Variants in OLFML2A observed in about 807,000 individuals in gnomAD.
The protein encoded by OLFML2A is olfactomedin-like protein 2A.
A neutral mutation model predicts 60.9 loss-of-function variants in OLFML2A; 47 were observed. That is an observed-to-expected ratio of 0.77 (90% CI 0.61 to 0.98). The LOEUF (loss-of-function observed/expected upper bound fraction) is 0.98. Among genes scored for constraint, OLFML2A ranks in the 50% least tolerant of loss-of-function variants. The pLI is 0.00. For synonymous variants in OLFML2A, 372 were observed against 375.0 expected, an observed-to-expected ratio of 0.99 and a Z score of 0.09; for missense variants, 922 against 879.8, an observed-to-expected ratio of 1.05 and a Z score of -0.61.
At chr9:124,784,665 A>ATAT (rs1841424540) in intron 1 of OLFML2A, among the ~76,000 whole-genome samples, 1 of 152,200 alleles carries the variant, frequency 6.6e-6, no homozygotes, top group African/African-American at 2.4e-5. Flanking sequence ...TTGTGCAAGC[A>ATAT]TCACCACTAT....
intron 6 of OLFML2A, among the ~76,000 whole-genome samples, chr9:124,805,631 G>A (rs1414331298): frequency 4.6e-5 from 7 of 151,844 alleles, no homozygotes; most frequent in Non-Finnish European, 1.0e-4. Context: ...GGTGGGAGGG[G>A]GTAAAGGATA....
intron 1 of OLFML2A, among the ~76,000 whole-genome samples, chr9:124,780,173 C>T (rs1841335262): frequency 6.6e-6 from 1 of 152,236 alleles, no homozygotes; most frequent in Non-Finnish European, 1.5e-5. Context: ...TTCTGAAGGG[C>T]TGCCCAGCAC....
rs908913506 is a variant in OLFML2A, at chr9:124,777,368, C to A, written c.90+8C>A. 33 of 1,269,602 alleles carry A rather than the reference C, an allele frequency of 2.6e-5. No homozygotes were observed. In the African/African-American group the frequency reaches 4.6e-4, roughly 18 times the overall value. The allele number at this position is 1,269,602 out of a possible 1,614,324, so 78.6% of individuals were successfully genotyped here. ...ACGCGCGCCGACAGTAAGGTACGCA[C>A]GCCCCTCGGACCCGCGCGGCTCGGC... On this transcript the variant is annotated splice_region_variant and intron_variant, in intron 1 of 7. Coordinates refer to ENST00000373580, the MANE Select transcript of OLFML2A (RefSeq NM_182487.4). The surrounding 1 kb of genome is among the most constrained non-coding windows in gnomAD (Gnocchi z 6.2).
chr9:124,801,454 G>A lies in OLFML2A; in HGVS notation c.710G>A (p.Gly237Asp). Reference protein sequence around the residue: ...RGKGKDISKYGSVQKSFADRG... With the variant: ...RGKGKDISKYDSVQKSFADRG... The stretch of plus-strand genomic sequence containing the variant: ...AAAGGCAAGGACATCAGCAAGTATG[G>A]CAGTGTGCAGAAAAGCTTTGCAGAC... The change falls in exon 5 of 8, where the codon GGC (glycine) becomes GAC (aspartate). Residue 237 changes from glycine (G) to aspartate (D), a missense_variant. Coordinates refer to ENST00000373580, the MANE Select transcript of OLFML2A (RefSeq NM_182487.4). 1.9e-6 allele frequency: 3 copies of A among 1,614,080 alleles called. No individual in the cohort carries two copies. In the South Asian group the frequency reaches 3.3e-5, roughly 18 times the overall value.
chr9:124,800,938 G>T, intron 4 of OLFML2A: 2 of 1,543,774 alleles, frequency 1.3e-6, no homozygotes, highest in Non-Finnish European at 1.8e-6. Flanking sequence ...GTTTTTCCAG[G>T]ATGCAGCACT....
In OLFML2A at chr9:124,777,882, C is replaced by G. The variant is rs1841286342; in HGVS notation, c.90+522C>G. Among the ~76,000 whole-genome samples, 1 of 152,204 alleles carries G rather than the reference C, an allele frequency of 6.6e-6. No individual in the cohort carries two copies. Among genetic ancestry groups the G allele is most frequent in the Non-Finnish European group, 1.5e-5 (1 of 68,036 alleles). On this transcript the variant is annotated intron_variant, in intron 1 of 7. Coordinates refer to ENST00000373580, the MANE Select transcript of OLFML2A (RefSeq NM_182487.4). This position sits in a 1 kb window ranked among gnomAD's most constrained non-coding sequence, Gnocchi z 6.2. ...AGCTCCAGAAGTGGTCTGAGCTGTT[C>G]TCTGCTGTGGCTAAGAGGATCTGCT...
chr9:124,799,187 G>A (rs1049749701), intron 3 of OLFML2A, 98 bp from the exon 4 acceptor site: 14 of 853,022 alleles, frequency 1.6e-5, no homozygotes, highest in Non-Finnish European at 2.1e-5. Context: ...GGGGGACTGG[G>A]CAGCAAAGCC....
At position 124,799,307 on chromosome 9, in the gene OLFML2A, G is replaced by A. The variant is rs780409580; in HGVS notation, c.485G>A (p.Arg162Gln). 2.5e-5 allele frequency: 41 copies of A among 1,611,524 alleles called. No homozygotes were observed. The highest frequency in any genetic ancestry group is 1.6e-4 in the Middle Eastern group (1 of 6,076). ...CAGAGCATCAAGGCCAACCTGAGCC[G>A]GGAGAATGAGGTGGTGAAGGACAGC... ...LEESIKANLS[R>Q]ENEVVKDSVR... Residue 162 changes from arginine to glutamine, a missense_variant, in exon 4 of 8, where the codon CGG (arginine) becomes CAG (glutamine). Physicochemically the swap from Arg to Gln is conservative, Grantham distance 43. Transcript: ENST00000373580.
chr9:124,805,544 T>C (rs1189860805), intron 6 of OLFML2A, among the ~76,000 whole-genome samples: 1 of 152,152 alleles, frequency 6.6e-6, no homozygotes, highest in Non-Finnish European at 1.5e-5. Flanking sequence ...AAAGTATGTC[T>C]GCATGACTGT....
chr9:124,789,836 A>G (rs1333921576), intron 2 of OLFML2A, among the ~76,000 whole-genome samples: 1 of 152,260 alleles, frequency 6.6e-6, no homozygotes, highest in African/African-American at 2.4e-5. Context: ...TGGCATCTTG[A>G]CAGCTTGGCA....
intron 3 of OLFML2A, among the ~76,000 whole-genome samples, chr9:124,798,057 C>G (rs776316529): frequency 6.6e-6 from 1 of 152,290 alleles, no homozygotes; most frequent in Middle Eastern, 3.4e-3. Context: ...TGGAGACTTG[C>G]AGGGAGCAGA....
At chr9:124,799,874 G>C (rs1328045121) in intron 4 of OLFML2A, among the ~76,000 whole-genome samples, 1 of 152,180 alleles carries the variant, frequency 6.6e-6, no homozygotes, top group Non-Finnish European at 1.5e-5. Context: ...GCTGTGGCTG[G>C]GTTGAGCCTG....
At chr9:124,785,643 G>A (rs1206812712) in intron 1 of OLFML2A, among the ~76,000 whole-genome samples, 2 of 151,684 alleles carry the variant, frequency 1.3e-5, no homozygotes, top group African/African-American at 2.4e-5. Flanking sequence ...CTCGTGATCT[G>A]CCTGCCTCGG....
chr9:124,780,779 T>G (rs967189940), intron 1 of OLFML2A, among the ~76,000 whole-genome samples: 2 of 152,184 alleles, frequency 1.3e-5, no homozygotes, highest in Non-Finnish European at 2.9e-5. Context: ...ATGCAGAATC[T>G]TACACATCCC....
intron 1 of OLFML2A, among the ~76,000 whole-genome samples, chr9:124,784,568 A>T (rs542135065): frequency 6.6e-6 from 1 of 152,248 alleles, no homozygotes; most frequent in African/African-American, 2.4e-5. Context: ...AAAGGTCTCC[A>T]TAATTTTTAT....
intron 7 of OLFML2A, among the ~76,000 whole-genome samples, chr9:124,808,872 C>T (rs1006438965): frequency 2.0e-5 from 3 of 151,914 alleles, no homozygotes; most frequent in Non-Finnish European, 4.4e-5. Flanking sequence ...AGGCCTGGAA[C>T]AGGCCGGGCG....
rs1340316416 is a variant in OLFML2A at position 124,800,762 on chromosome 9, G to C, written c.670-652G>C. 3.5e-6 allele frequency: 4 copies of C among 1,150,864 alleles called. No individual in the cohort carries two copies. In the East Asian group the frequency reaches 1.7e-4, roughly 50 times the overall value. 71.3% of individuals were successfully genotyped at this position (1,150,864 alleles called of 1,614,324 possible). A position where few individuals can be genotyped will look rare whatever the true frequency, so the allele number is the denominator to read the frequency against. ...TACTGTACTTGCCGTATCTGCTGGA[G>C]CTTCTGCCTAACGATGAGTGATGTC... is the stretch of plus-strand genomic sequence containing the variant. On this transcript the variant is annotated intron_variant, in intron 4 of 7. Coordinates refer to ENST00000373580, the MANE Select transcript of OLFML2A (RefSeq NM_182487.4).
Position 124,809,891 on chromosome 9 carries a change from C to A in OLFML2A, c.1438C>A (p.Arg480Ser). ...VVYQGAFYYN[R>S]AFTKNIIKYD... ...GTACCAGGGCGCCTTCTACTACAAC[C>A]GCGCCTTCACCAAGAACATCATCAA... Residue 480 changes from arginine (R) to serine (S), a missense_variant, in exon 8 of 8, where the codon CGC becomes AGC. Transcript: ENST00000373580. The A allele has an allele frequency of 6.2e-7, 1 of 1,614,200 alleles. No individual in the cohort carries two copies. The highest frequency in any genetic ancestry group is 8.5e-7 in the Non-Finnish European group (1 of 1,180,024).
intron 5 of OLFML2A, 124 bp downstream of exon 5, chr9:124,801,787 C>A: frequency 9.3e-7 from 1 of 1,080,012 alleles, no homozygotes; most frequent in Non-Finnish European, 1.3e-6. Flanking sequence ...CTGTTGGGTG[C>A]CCTCTGCTCA....
Sources: gnomAD v4.1 joint callset for allele counts (sites outside exome capture counted in the v4.1 genomes callset) on GRCh38, gnomAD v4.1.1 for gene constraint, Gnocchi (gnomAD v3.1) non-coding constraint, MANE v1.5 for transcripts, NCBI Gene and HGNC (gene_info 2026-07-23, HGNC 2026-07-21) for gene names.